Variants in SGCG observed in about 807,000 individuals in gnomAD.
SGCG encodes the protein gamma-sarcoglycan.
Under a neutral mutation model 29.3 loss-of-function variants are expected in SGCG, and 26 were observed. That is an observed-to-expected ratio of 0.89 (90% CI 0.65 to 1.23). The LOEUF is 1.23. SGCG is among the 50% of genes most tolerant of loss of function. SGCG has a pLI of 0.00. For missense variants in SGCG, 353 were observed against 356.0 expected (o/e 0.99, Z 0.07); for synonymous variants, 145 against 129.7 (o/e 1.12, Z -0.80).
In SGCG at chr13:23,299,456, A is replaced by ATTTTTTTTTTT. The variant is rs71100168; in HGVS notation, c.578+3975_578+3985dup. Among the ~76,000 whole-genome samples, 71 of 41,516 alleles carry ATTTTTTTTTTT rather than the reference A, an allele frequency of 1.7e-3. 9 individuals are homozygous for ATTTTTTTTTTT. The highest frequency in any genetic ancestry group is 2.6e-3 in the Non-Finnish European group (54 of 20,824). The allele number at this position is 41,516 out of a possible 152,430, so 27.2% of individuals were successfully genotyped here. On this transcript the variant is annotated intron_variant, in intron 6 of 7. Coordinates refer to ENST00000218867, the MANE Select transcript of SGCG (RefSeq NM_000231.3). ...TATATATATATATATATATATATAT[A>ATTTTTTTTTTT]TTTTTTTTTTTTTTTTAGTCGGAGT...
At chr13:23,322,152 CTG>C in intron 7 of SGCG, among the ~76,000 whole-genome samples, 1 of 152,314 alleles carries the variant, frequency 6.6e-6, no homozygotes, top group South Asian at 2.1e-4. Flanking sequence ...GTACATAGCT[CTG>C]TCTTACCAAG....
At chr13:23,230,444 C>T (rs1879065238) in intron 2 of SGCG, among the ~76,000 whole-genome samples, 1 of 152,134 alleles carries the variant, frequency 6.6e-6, no homozygotes, top group South Asian at 2.1e-4. Flanking sequence ...TTGTTTGTGT[C>T]ATCTCTGATG....
chr13:23,308,384 T>A (rs554781677), intron 6 of SGCG, among the ~76,000 whole-genome samples: 1 of 152,202 alleles, frequency 6.6e-6, no homozygotes, highest in South Asian at 2.1e-4. Flanking sequence ...CGTAATGCTA[T>A]TTTTGTCATA....
At chr13:23,195,061 G>T (rs7329959) in intron 1 of SGCG, among the ~76,000 whole-genome samples, 69,863 of 151,968 alleles carry the variant, frequency 0.46, 16,213 homozygotes, top group Admixed American at 0.51. Context: ...CAGAGATTGA[G>T]GGTAGGTATA....
chr13:23,223,140 T>C (rs1878739480), intron 2 of SGCG, among the ~76,000 whole-genome samples: 1 of 151,794 alleles, frequency 6.6e-6, no homozygotes, highest in Non-Finnish European at 1.5e-5. Context: ...TAGCGGGGTG[T>C]GGTGGCGGGC....
chr13:23,269,839 T>C (rs544029855), intron 4 of SGCG, among the ~76,000 whole-genome samples: 2 of 92,596 alleles, frequency 2.2e-5, no homozygotes, highest in South Asian at 7.4e-4. Flanking sequence ...ATGTATTTTG[T>C]TTTTTTTTTT....
rs536464384 is a variant in SGCG, at chr13:23,203,399, G to T, written c.1-296G>T. Among the ~76,000 whole-genome samples, 26 of 152,182 alleles carry T rather than the reference G, an allele frequency of 1.7e-4. No homozygotes were observed. The South Asian group carries it at 2.3e-3, about 13-fold the overall frequency. ...AAGAATTCTGATAGATAGATACAGAGAATTTATTAACATCTGAATTTATTA... is the reference window on the plus strand; with the variant it reads ...AAGAATTCTGATAGATAGATACAGATAATTTATTAACATCTGAATTTATTA... On this transcript the variant is annotated intron_variant, in intron 1 of 7. Transcript: ENST00000218867.
In SGCG at chr13:23,201,967, C is replaced by T. The variant is rs554293933; in HGVS notation, c.1-1728C>T. ...AGAGGGAAGAGGTTGAGAGTGACTG[C>T]GTGTCCAGAGAGGGAGGCTGCTTTG... On this transcript the variant is annotated intron_variant, in intron 1 of 7. Transcript: ENST00000218867. Among the ~76,000 whole-genome samples the T allele has an allele frequency of 1.4e-3, 206 of 152,222 alleles. 1 individual carries two copies. Among genetic ancestry groups the T allele is most frequent in the African/African-American group, 4.1e-3 (169 of 41,540 alleles).
chr13:23,282,640 T>C (rs1881349722), intron 5 of SGCG, among the ~76,000 whole-genome samples: 2 of 152,226 alleles, frequency 1.3e-5, no homozygotes, highest in African/African-American at 4.8e-5. Context: ...GCTCCATCCA[T>C]GTCCCTAGAA....
intron 3 of SGCG, among the ~76,000 whole-genome samples, chr13:23,237,838 A>T: frequency 6.6e-6 from 1 of 152,072 alleles, no homozygotes; most frequent in East Asian, 1.9e-4. Context: ...ACATAAAGGA[A>T]GATCAATATC....
chr13:23,223,078 A>G (rs1046393225), intron 2 of SGCG, among the ~76,000 whole-genome samples: 6 of 151,972 alleles, frequency 3.9e-5, no homozygotes, highest in Non-Finnish European at 8.8e-5. Context: ...GGAGATCGAG[A>G]CCATCCTGGC....
the SGCG span, among the ~76,000 whole-genome samples, chr13:23,162,703 C>T: frequency 1.3e-5 from 2 of 151,934 alleles, no homozygotes; most frequent in African/African-American, 4.8e-5. Context: ...TGGTGGCACA[C>T]GCCTGTAGTC....
intron 6 of SGCG, among the ~76,000 whole-genome samples, chr13:23,319,038 G>A (rs1482236579): frequency 1.3e-5 from 2 of 152,254 alleles, no homozygotes; most frequent in African/African-American, 4.8e-5. Context: ...GGTGGCTCAC[G>A]CCTGTAATCC....
At chr13:23,189,013 C>T (rs2137476353) in intron 1 of SGCG, among the ~76,000 whole-genome samples, 1 of 152,324 alleles carries the variant, frequency 6.6e-6, no homozygotes, top group Middle Eastern at 3.4e-3. Context: ...AGACCACTAA[C>T]CTTTTGTTCT....
At chr13:23,297,695 C>T (rs981065369) in intron 6 of SGCG, among the ~76,000 whole-genome samples, 2 of 152,162 alleles carry the variant, frequency 1.3e-5, no homozygotes, top group Non-Finnish European at 2.9e-5. Context: ...CCATCATGAA[C>T]ATGTCACAGT....
intron 3 of SGCG, chr13:23,247,098 C>T (rs775747426): frequency 1.9e-4 from 32 of 167,210 alleles, no homozygotes; most frequent in Non-Finnish European, 3.5e-4. Context: ...GCATACGGTG[C>T]GAGAGATTGC....
At chr13:23,232,714 G>C (rs149388504) in intron 2 of SGCG, among the ~76,000 whole-genome samples, 2 of 152,006 alleles carry the variant, frequency 1.3e-5, no homozygotes, top group African/African-American at 4.8e-5. Flanking sequence ...CCCAGGAGGC[G>C]GAGCTTGCAG....
chr13:23,270,502 T>C (rs1880832500), intron 4 of SGCG, among the ~76,000 whole-genome samples: 1 of 152,180 alleles, frequency 6.6e-6, no homozygotes, highest in Non-Finnish European at 1.5e-5. Flanking sequence ...TCATGACTCT[T>C]TTTCCATTTT....
At chr13:23,226,908 T>G (rs1277341838) in intron 2 of SGCG, among the ~76,000 whole-genome samples, 1 of 152,208 alleles carries the variant, frequency 6.6e-6, no homozygotes. Context: ...TTGAGGATAT[T>G]TTTCCTTTTA....
Sources: gnomAD v4.1 joint callset for allele counts (sites outside exome capture counted in the v4.1 genomes callset) on GRCh38, gnomAD v4.1.1 for gene constraint, MANE v1.5 for transcripts, NCBI Gene and HGNC (gene_info 2026-07-23, HGNC 2026-07-21) for gene names.